Variants in IFFO2 observed in about 807,000 individuals in gnomAD.
IFFO2 encodes the protein intermediate filament family orphan 2.
Under a neutral mutation model 53.5 loss-of-function variants are expected in IFFO2, and 19 were observed. That is an observed-to-expected ratio of 0.36 (90% CI 0.25 to 0.52). The LOEUF is 0.52. Ranked by LOEUF, IFFO2 falls within the 20% of genes least tolerant of loss-of-function variation. The pLI, the probability that IFFO2 is intolerant of heterozygous loss-of-function variation, is 0.94. For missense variants in IFFO2, 570 were observed against 727.4 expected (o/e 0.78, Z 2.49); for synonymous variants, 303 against 313.6 (o/e 0.97, Z 0.36).
intron 1 of IFFO2, among the ~76,000 whole-genome samples, chr1:18,924,124 G>A (rs946375058): frequency 6.6e-6 from 1 of 152,218 alleles, no homozygotes; most frequent in African/African-American, 2.4e-5. Flanking sequence ...CATCCCTCCC[G>A]GCGGTGGTGG....
In IFFO2 at chr1:18,919,358, C is replaced by T. The variant is rs765585841; in HGVS notation, c.822+320G>A. On this transcript the variant is annotated intron_variant, in intron 3 of 8. Coordinates refer to ENST00000455833, the MANE Select transcript of IFFO2 (RefSeq NM_001136265.2). The surrounding 1 kb of genome is among the most constrained non-coding windows in gnomAD (Gnocchi z 4.9). The stretch of plus-strand genomic sequence containing the variant: ...GCCCTGCTACGCCCAGACACCGAGG[C>T]CTGCCCTCATCAAGGCGAGCTGGGA... Among the ~76,000 whole-genome samples the T allele has an allele frequency of 2.0e-5, 3 of 152,192 alleles. No homozygotes were observed. Among genetic ancestry groups the T allele is most frequent in the Non-Finnish European group, 4.4e-5 (3 of 68,040 alleles).
rs972610128 is a variant in IFFO2, at chr1:18,916,085, G to A, written c.1103+818C>T. ...GGTTGCAGTGAGCCGAGATCTGGCC[G>A]CTATACTCCAGTCTGGGTGACAGAG... On this transcript the variant is annotated intron_variant, in intron 5 of 8. Coordinates refer to ENST00000455833, the MANE Select transcript of IFFO2 (RefSeq NM_001136265.2). The surrounding 1 kb of genome is among the most constrained non-coding windows in gnomAD (Gnocchi z 4.3). 1.3e-5 allele frequency among the ~76,000 whole-genome samples: 2 copies of A among 151,776 alleles called. No individual in the cohort carries two copies. The highest frequency in any genetic ancestry group is 6.6e-5 in the Admixed American group (1 of 15,224).
chr1:18,934,057 C>CTTTTTTTTTTTTTT lies in IFFO2; in HGVS notation c.666-12950_666-12937dup. ...TGTGAATAGCTTATTTCTCTTATTTCTTTTTTTTTTTTTTTTTTTTTTTTT... is the reference window on the plus strand; with the variant it reads ...TGTGAATAGCTTATTTCTCTTATTTCTTTTTTTTTTTTTTTTTTTTTTTTTTTTTTTTTTTTTTT... On this transcript the variant is annotated intron_variant, in intron 1 of 8. Transcript: ENST00000455833. Among the ~76,000 whole-genome samples the CTTTTTTTTTTTTTT allele has an allele frequency of 1.5e-3, 107 of 70,320 alleles. 24 individuals carry two copies. Among genetic ancestry groups the CTTTTTTTTTTTTTT allele is most frequent in the African/African-American group, 3.5e-3 (51 of 14,508 alleles). 46.1% of individuals were successfully genotyped at this position (70,320 alleles called of 152,430 possible). A position where few individuals can be genotyped will look rare whatever the true frequency, so the allele number is the denominator to read the frequency against.
At chr1:18,930,238 G>A (rs1044415569) in intron 1 of IFFO2, among the ~76,000 whole-genome samples, 1 of 152,194 alleles carries the variant, frequency 6.6e-6, no homozygotes, top group African/African-American at 2.4e-5. Context: ...TGCCATTGGT[G>A]TCATTCTCAT....
rs114697706 is a variant in IFFO2 at position 18,953,606 on chromosome 1, C to T, written c.665+2062G>A. Among the ~76,000 whole-genome samples, 1,029 of 152,210 alleles carry T rather than the reference C, an allele frequency of 6.8e-3. 11 individuals carry two copies. The highest frequency in any genetic ancestry group is 0.023 in the African/African-American group (956 of 41,506). ...ACTTCACAGACGGGGAAACTGAGGC[C>T]CCAGGAAAGGAATATACCTGCTTTG... On this transcript the variant is annotated intron_variant, in intron 1 of 8. Transcript: ENST00000455833.
chr1:18,911,362 G>A (rs1371300067), intron 7 of IFFO2, 22 bp downstream of exon 7: 4 of 1,347,520 alleles, frequency 3.0e-6, no homozygotes, highest in East Asian at 2.8e-5. Flanking sequence ...TCACGAGTGG[G>A]CTCCACGTCC....
At chr1:18,922,990 G>A (rs1244708467) in intron 1 of IFFO2, among the ~76,000 whole-genome samples, 11 of 152,098 alleles carry the variant, frequency 7.2e-5, no homozygotes, top group African/African-American at 2.7e-4. Context: ...TCTCTGGGGG[G>A]TAAAGGCTGG....
At chr1:18,953,693 G>A (rs954899806) in intron 1 of IFFO2, among the ~76,000 whole-genome samples, 10 of 152,080 alleles carry the variant, frequency 6.6e-5, no homozygotes, top group South Asian at 2.1e-4. Context: ...AGGTGTGCAC[G>A]CATCCCAGAA....
rs763624713 is a variant in IFFO2, at chr1:18,956,220, C to G, written c.113G>C (p.Gly38Ala). 11 of 1,301,718 alleles carry G rather than the reference C, an allele frequency of 8.5e-6. No individual in the cohort carries two copies. In the East Asian group the frequency reaches 2.9e-4, roughly 34 times the overall value. The allele number at this position is 1,301,718 out of a possible 1,614,324, so 80.6% of individuals were successfully genotyped here. A position where few individuals can be genotyped will look rare whatever the true frequency, so the allele number is the denominator to read the frequency against. ...CAGCGCCGCCGTCACCGGCGACGGA[C>G]CCGGCCCTGCCCCGCCGCCGCCGCC... ...GGGGGGGAGP[G>A]PSPVTAALRD... Residue 38 changes from glycine (G) to alanine (A), a missense_variant, in exon 1 of 9, where the codon GGT becomes GCT. Gly to Ala is a moderately conservative substitution (Grantham distance 60). Coordinates refer to ENST00000455833, the MANE Select transcript of IFFO2 (RefSeq NM_001136265.2). This position sits in a 1 kb window ranked among gnomAD's most constrained non-coding sequence, Gnocchi z 6.4.
intron 6 of IFFO2, among the ~76,000 whole-genome samples, 185 bp from the exon 7 acceptor site, chr1:18,911,661 C>T (rs1193969111): frequency 6.6e-6 from 1 of 152,096 alleles, no homozygotes; most frequent in Non-Finnish European, 1.5e-5. Flanking sequence ...GCCTCAGCCT[C>T]CCGAATAGCT....
chr1:18,946,707 G>A (rs191483734), intron 1 of IFFO2, among the ~76,000 whole-genome samples: 1 of 151,310 alleles, frequency 6.6e-6, no homozygotes, highest in African/African-American at 2.4e-5. Flanking sequence ...ATGAGCTACC[G>A]CACCGGGCCT....
chr1:18,923,339 A>G (rs938965419), intron 1 of IFFO2, among the ~76,000 whole-genome samples: 1 of 152,224 alleles, frequency 6.6e-6, no homozygotes, highest in Non-Finnish European at 1.5e-5. Flanking sequence ...GAGGAAGGCG[A>G]GGCAGGGGCC....
chr1:18,929,451 G>A (rs536646735), intron 1 of IFFO2, among the ~76,000 whole-genome samples: 1 of 152,346 alleles, frequency 6.6e-6, no homozygotes, highest in East Asian at 1.9e-4. Flanking sequence ...AACTGAGAGA[G>A]GCAGCACTGA....
At chr1:18,948,713 T>TG (rs1416051109) in intron 1 of IFFO2, among the ~76,000 whole-genome samples, 1 of 152,208 alleles carries the variant, frequency 6.6e-6, no homozygotes, top group Non-Finnish European at 1.5e-5. Flanking sequence ...CAAAGGGCTG[T>TG]GCAACTCACA....
intron 1 of IFFO2, among the ~76,000 whole-genome samples, chr1:18,937,070 C>T (rs1199108854): frequency 6.6e-6 from 1 of 152,110 alleles, no homozygotes; most frequent in Non-Finnish European, 1.5e-5. Context: ...TGTCCAAGGT[C>T]CCACACAGGC....
At chr1:18,935,047 C>A (rs549511681) in intron 1 of IFFO2, among the ~76,000 whole-genome samples, 1 of 152,164 alleles carries the variant, frequency 6.6e-6, no homozygotes, top group African/African-American at 2.4e-5. Context: ...TTAGAGAGAA[C>A]GCTCTCTGGC....
At position 18,904,321 on chromosome 1, in the gene IFFO2, T is replaced by C. The variant is rs1202210340; in HGVS notation, c.*4240A>G. ...TCACTTTATTTAAAAGAAGCCAATA[T>C]ACAGGATATAAAGGGCATGATATTT... is the stretch of plus-strand genomic sequence containing the variant. On this transcript the variant is annotated 3_prime_UTR_variant, in exon 9 of 9. Transcript: ENST00000455833. 6.6e-6 allele frequency: 1 copy of C among 152,124 alleles called. No individual in the cohort carries two copies. Among genetic ancestry groups the C allele is most frequent in the Non-Finnish European group, 1.5e-5 (1 of 68,028 alleles). The allele number at this position is 152,124 out of a possible 1,614,324, so 9.4% of individuals were successfully genotyped here.
At chr1:18,937,840 C>T (rs935033737) in intron 1 of IFFO2, among the ~76,000 whole-genome samples, 1 of 152,248 alleles carries the variant, frequency 6.6e-6, no homozygotes, top group African/African-American at 2.4e-5. Flanking sequence ...AAGCGCTGCC[C>T]AGATGCTGCC....
At chr1:18,920,962 G>A (rs1936207930) in intron 2 of IFFO2, 99 bp downstream of exon 2, 1 of 1,012,050 alleles carries the variant, frequency 9.9e-7, no homozygotes, top group East Asian at 2.6e-5. Flanking sequence ...AGTAGGGGCT[G>A]TGCAAGAATT....
Sources: gnomAD v4.1 joint callset for allele counts (sites outside exome capture counted in the v4.1 genomes callset) on GRCh38, gnomAD v4.1.1 for gene constraint, Gnocchi (gnomAD v3.1) non-coding constraint, MANE v1.5 for transcripts, NCBI Gene and HGNC (gene_info 2026-07-23, HGNC 2026-07-21) for gene names.